The following PDE10A variants were observed in gnomAD, a reference collection of about 807,000 sequenced individuals.
The protein encoded by PDE10A is phosphodiesterase 10A, also known as cAMP and cAMP-inhibited cGMP 3',5'-cyclic phosphodiesterase 10A.
A neutral mutation model predicts 97.7 loss-of-function variants in PDE10A; 39 were observed. The observed-to-expected ratio is 0.40, with a 90% CI of 0.31 to 0.52. The LOEUF (loss-of-function observed/expected upper bound fraction) is 0.52, where lower values mean the gene tolerates loss of function less well. Among genes scored for constraint, PDE10A ranks in the 20% least tolerant of loss-of-function variants. The pLI is 0.56. For missense variants in PDE10A, 731 were observed against 1,047.8 expected, an observed-to-expected ratio of 0.70 and a Z score of 4.17; for synonymous variants, 371 against 376.8, an observed-to-expected ratio of 0.98 and a Z score of 0.18.
intron 1 of PDE10A, among the ~76,000 whole-genome samples, chr6:165,820,947 A>C (rs1355622064): frequency 6.6e-6 from 1 of 152,250 alleles, no homozygotes; most frequent in Non-Finnish European, 1.5e-5. Flanking sequence ...TGAAGTTGTC[A>C]ATTTAGACAG....
At chr6:165,427,804 A>G (rs1346096931) in intron 10 of PDE10A, among the ~76,000 whole-genome samples, 2 of 152,112 alleles carry the variant, frequency 1.3e-5, no homozygotes, top group Non-Finnish European at 2.9e-5. Context: ...AAATTCCTTC[A>G]GTTGTTTCAT....
At chr6:165,570,861 C>G (rs996361996) in intron 1 of PDE10A, among the ~76,000 whole-genome samples, 1 of 152,046 alleles carries the variant, frequency 6.6e-6, no homozygotes, top group African/African-American at 2.4e-5. Flanking sequence ...ATTGGAAATA[C>G]AAGGTTAGGT....
intron 1 of PDE10A, among the ~76,000 whole-genome samples, chr6:165,708,317 C>G (rs1450962404): frequency 6.6e-6 from 1 of 152,104 alleles, no homozygotes; most frequent in East Asian, 1.9e-4. Context: ...GGGCCTCCCC[C>G]ATCCCTCTCA....
intron 1 of PDE10A, among the ~76,000 whole-genome samples, chr6:165,868,028 T>C (rs990754672): frequency 6.6e-6 from 1 of 150,860 alleles, no homozygotes; most frequent in Non-Finnish European, 1.5e-5. Flanking sequence ...GCAAAAGGAG[T>C]GCTAAGAGGA....
At chr6:165,703,416 A>G (rs1791629825) in intron 1 of PDE10A, among the ~76,000 whole-genome samples, 1 of 152,248 alleles carries the variant, frequency 6.6e-6, no homozygotes, top group Non-Finnish European at 1.5e-5. Flanking sequence ...TACAAAGAAC[A>G]TGGAGATAAC....
chr6:165,749,371 C>T (rs1562717441), intron 1 of PDE10A, among the ~76,000 whole-genome samples: 1 of 141,094 alleles, frequency 7.1e-6, no homozygotes. Context: ...ACCATCATCA[C>T]CATCACCACC....
chr6:165,681,627 A>C (rs1790980758), intron 1 of PDE10A, among the ~76,000 whole-genome samples: 1 of 152,256 alleles, frequency 6.6e-6, no homozygotes, highest in African/African-American at 2.4e-5. Context: ...AAAGGAATCT[A>C]CAATTATTTT....
rs572804667 is a variant in PDE10A, at chr6:165,327,713, T to C, written c.*5312A>G. 1 of 152,238 alleles carries C rather than the reference T, an allele frequency of 6.6e-6. No homozygotes were observed. Among genetic ancestry groups the C allele is most frequent in the Admixed American group, 6.5e-5 (1 of 15,284 alleles). The allele number at this position is 152,238 out of a possible 1,614,324, so 9.4% of individuals were successfully genotyped here. A position where few individuals can be genotyped will look rare whatever the true frequency, so the allele number is the denominator to read the frequency against. Reference sequence around the variant, plus strand: ...TTTACAAAGATTTTTGTCATACATATAAAATCATTTTTTAAAATTTACTAA... The same window carrying C: ...TTTACAAAGATTTTTGTCATACATACAAAATCATTTTTTAAAATTTACTAA... On this transcript the variant is annotated 3_prime_UTR_variant, in exon 22 of 22. Coordinates refer to ENST00000539869, the MANE Select transcript of PDE10A (RefSeq NM_001385079.1).
chr6:165,539,341 A>G (rs1783283489), intron 2 of PDE10A, among the ~76,000 whole-genome samples: 2 of 152,212 alleles, frequency 1.3e-5, no homozygotes, highest in Admixed American at 6.5e-5. Flanking sequence ...ATCTTTGAGG[A>G]GTTGTCATGT....
At chr6:165,984,614 G>A (rs1490170535) in intron 1 of PDE10A, among the ~76,000 whole-genome samples, 1 of 152,216 alleles carries the variant, frequency 6.6e-6, no homozygotes, top group African/African-American at 2.4e-5. Context: ...AGACACTCAT[G>A]GTGATATTGA....
Position 165,329,400 on chromosome 6 carries a change from G to A in PDE10A, c.*3625C>T, listed in dbSNP as rs2128170242. 2 of 152,256 alleles carry A rather than the reference G, an allele frequency of 1.3e-5. No individual in the cohort carries two copies. 9.4% of individuals were successfully genotyped at this position (152,256 alleles called of 1,614,324 possible). Reference sequence around the variant, plus strand: ...AATATTTTCAATTATACTTAAGCAAGAAAAGCAAAATAATAAATACATGAA... The same window carrying A: ...AATATTTTCAATTATACTTAAGCAAAAAAAGCAAAATAATAAATACATGAA... On this transcript the variant is annotated 3_prime_UTR_variant, in exon 22 of 22. Transcript: ENST00000539869.
intron 1 of PDE10A, among the ~76,000 whole-genome samples, chr6:165,812,697 A>G (rs975528666): frequency 3.3e-5 from 5 of 152,216 alleles, no homozygotes; most frequent in Non-Finnish European, 7.3e-5. Flanking sequence ...TTGATTTTAT[A>G]TGTTCTCCAG....
At chr6:165,628,565 C>A (rs1161489537) in intron 1 of PDE10A, among the ~76,000 whole-genome samples, 1 of 151,562 alleles carries the variant, frequency 6.6e-6, no homozygotes, top group Non-Finnish European at 1.5e-5. Context: ...GTCTCGATAT[C>A]CAGGCTCGCC....
At chr6:165,656,938 G>A (rs1012173381) in intron 1 of PDE10A, among the ~76,000 whole-genome samples, 2 of 152,226 alleles carry the variant, frequency 1.3e-5, no homozygotes, top group African/African-American at 4.8e-5. Context: ...TGAGTCCACA[G>A]AACAGAGGCT....
rs1457571725 is a variant in PDE10A at position 165,952,083 on chromosome 6, C to T, written c.-615+35446G>A. On this transcript the variant is annotated intron_variant, in intron 1 of 19. Coordinates refer to the PDE10A transcript ENST00000366882. ...ATCCTCAAGTCCTCATGCGAAGTAA[C>T]GAGGCAGAGACATTAAATGACTTTC... is the stretch of plus-strand genomic sequence containing the variant. 2.0e-5 allele frequency among the ~76,000 whole-genome samples: 3 copies of T among 152,204 alleles called. 1 individual carries two copies. Among genetic ancestry groups the T allele is most frequent in the Admixed American group, 2.0e-4 (3 of 15,282 alleles).
chr6:165,686,861 G>A (rs748216721), intron 1 of PDE10A, among the ~76,000 whole-genome samples: 1 of 152,196 alleles, frequency 6.6e-6, no homozygotes. Context: ...TTACCTAAAC[G>A]TGTGAGCTGC....
intron 1 of PDE10A, among the ~76,000 whole-genome samples, chr6:165,906,871 C>A (rs537091306): frequency 6.6e-6 from 1 of 152,308 alleles, no homozygotes; most frequent in African/African-American, 2.4e-5. Flanking sequence ...GTAACGTGAC[C>A]AAAGTCACAC....
At chr6:165,507,276 G>A (rs1655191807) in intron 2 of PDE10A, among the ~76,000 whole-genome samples, 1 of 152,022 alleles carries the variant, frequency 6.6e-6, no homozygotes, top group Admixed American at 6.6e-5. Context: ...TGCAATCAAG[G>A]CTAGCTAGAG....
chr6:165,952,645 T>C (rs184167170), intron 1 of PDE10A, among the ~76,000 whole-genome samples: 1 of 152,290 alleles, frequency 6.6e-6, no homozygotes, highest in Admixed American at 6.5e-5. Context: ...ACCACACCTC[T>C]TCAACTCCCC....
Sources: allele counts gnomAD v4.1 joint callset (sites outside exome capture counted in the v4.1 genomes callset), GRCh38; gene constraint gnomAD v4.1.1; transcripts MANE v1.5; gene names NCBI Gene and HGNC (gene_info 2026-07-23, HGNC 2026-07-21).